COL21A1: variants seen among roughly 807,000 people sequenced by gnomAD.
The protein encoded by COL21A1 is collagen type XXI alpha 1 chain, also known as collagen alpha-1(XXI) chain.
COL21A1 carries 149 observed loss-of-function variants against 137.9 expected under a neutral mutation model. The ratio of observed to expected loss-of-function variants is 1.08; its 90% CI spans 0.95 to 1.24. COL21A1 has a LOEUF of 1.24. COL21A1 is among the 50% of genes most tolerant of loss of function. COL21A1 has a pLI of 0.00. For missense variants in COL21A1, 1,167 were observed against 1,158.4 expected, an observed-to-expected ratio of 1.01 and a Z score of -0.11; for synonymous variants, 456 against 391.5, an observed-to-expected ratio of 1.16 and a Z score of -1.95.
rs1260118159 is a variant in COL21A1, at chr6:56,206,477, C to A, written c.-38-23821G>T. 1.2e-4 allele frequency among the ~76,000 whole-genome samples: 18 copies of A among 151,668 alleles called. No homozygotes were observed. In the East Asian group the frequency reaches 3.5e-3, roughly 29 times the overall value. ...ATATATGCAACTAATACAGGAGCAC[C>A]CAGATTCATAAAGCAAGTTATTGGA... On this transcript the variant is annotated intron_variant, in intron 1 of 29. Transcript: ENST00000244728.
intron 1 of COL21A1, among the ~76,000 whole-genome samples, chr6:56,307,358 C>T (rs1482357114): frequency 6.6e-6 from 1 of 152,242 alleles, no homozygotes; most frequent in East Asian, 1.9e-4. Flanking sequence ...CCTTAAGCTG[C>T]AGTGGGCTCC....
intron 3 of COL21A1, among the ~76,000 whole-genome samples, chr6:56,173,413 AAAGGG>A (rs1246472975): frequency 1.3e-5 from 2 of 151,564 alleles, no homozygotes; most frequent in African/African-American, 4.8e-5. Flanking sequence ...GAAGGGAAAG[AAAGGG>A]AAGGGAAGGG....
chr6:56,369,427 A>G (rs1766173631), intron 1 of COL21A1, among the ~76,000 whole-genome samples: 1 of 151,336 alleles, frequency 6.6e-6, no homozygotes, highest in Admixed American at 6.6e-5. Flanking sequence ...AATTGTGTCC[A>G]TGAAAGAATC....
At chr6:56,301,073 A>G (rs1168575805) in intron 1 of COL21A1, among the ~76,000 whole-genome samples, 1 of 152,162 alleles carries the variant, frequency 6.6e-6, no homozygotes, top group Non-Finnish European at 1.5e-5. Context: ...GGCAAGGCAG[A>G]ATAGCTACAA....
chr6:56,150,754 A>G (rs1282817523), intron 10 of COL21A1, among the ~76,000 whole-genome samples: 1 of 149,834 alleles, frequency 6.7e-6, no homozygotes, highest in African/African-American at 2.5e-5. Flanking sequence ...ATGGAATCCT[A>G]GAATATCAGA....
rs558752694 is a variant in COL21A1, at chr6:56,116,253, A to G, written c.1758+7809T>C. On this transcript the variant is annotated intron_variant, in intron 16 of 29. Coordinates refer to ENST00000244728, the MANE Select transcript of COL21A1 (RefSeq NM_030820.4). Reference sequence around the variant, plus strand: ...ACTCTACAAGGTCAAGGATAAAGAAAGGATCCTAGAAGCAGCAAACGACAA... The same window carrying G: ...ACTCTACAAGGTCAAGGATAAAGAAGGGATCCTAGAAGCAGCAAACGACAA... Among the ~76,000 whole-genome samples, 11 of 152,212 alleles carry G rather than the reference A, an allele frequency of 7.2e-5. No individual in the cohort carries two copies. In the South Asian group the frequency reaches 2.3e-3, roughly 32 times the overall value.
intron 1 of COL21A1, among the ~76,000 whole-genome samples, chr6:56,356,878 A>C (rs1371072056): frequency 3.3e-5 from 5 of 152,208 alleles, no homozygotes. Context: ...CAATGAAAAA[A>C]ATGTTATGAA....
chr6:56,317,322 A>G (rs1294180617), intron 1 of COL21A1, among the ~76,000 whole-genome samples: 1 of 152,164 alleles, frequency 6.6e-6, no homozygotes, highest in Non-Finnish European at 1.5e-5. Context: ...GGCACCATGC[A>G]AAATATTTTA....
At chr6:56,354,792 A>C (rs2152347410) in intron 1 of COL21A1, among the ~76,000 whole-genome samples, 1 of 152,294 alleles carries the variant, frequency 6.6e-6, no homozygotes, top group East Asian at 1.9e-4. Context: ...CTGGGAGGTC[A>C]AGTCTGCAGT....
chr6:56,152,433 C>A (rs1219212484), intron 10 of COL21A1, among the ~76,000 whole-genome samples: 1 of 152,164 alleles, frequency 6.6e-6, no homozygotes, highest in Non-Finnish European at 1.5e-5. Context: ...AGGATGTGGA[C>A]ATCTTTGAGG....
At chr6:56,391,967 C>G (rs1167799254) in intron 1 of COL21A1, among the ~76,000 whole-genome samples, 1 of 152,228 alleles carries the variant, frequency 6.6e-6, no homozygotes, top group South Asian at 2.1e-4. Context: ...TCAAACTATT[C>G]CCCAAAATCA....
intron 16 of COL21A1, among the ~76,000 whole-genome samples, chr6:56,104,768 A>T (rs1218621827): frequency 6.6e-6 from 1 of 152,142 alleles, no homozygotes; most frequent in African/African-American, 2.4e-5. Context: ...ACAGTTCTTT[A>T]AAAAAAAGGA....
Position 56,202,844 on chromosome 6 carries a change from A to G in COL21A1, c.-38-20188T>C, listed in dbSNP as rs376959134. ...GCAACTTCTAAATATTCAAGCAACA[A>G]AAGAATATACATGTCTATATAATGA... On this transcript the variant is annotated intron_variant, in intron 1 of 29. Coordinates refer to ENST00000244728, the MANE Select transcript of COL21A1 (RefSeq NM_030820.4). Among the ~76,000 whole-genome samples the G allele has an allele frequency of 4.6e-5, 7 of 152,314 alleles. No homozygotes were observed. In the East Asian group the frequency reaches 9.6e-4, roughly 21 times the overall value.
intron 16 of COL21A1, among the ~76,000 whole-genome samples, chr6:56,110,236 T>C (rs971568440): frequency 1.4e-5 from 2 of 145,540 alleles, no homozygotes; most frequent in African/African-American, 5.0e-5. Flanking sequence ...TATAATCAAG[T>C]CAGTGAAGGC....
At chr6:56,308,772 A>T (rs1764530907) in intron 1 of COL21A1, among the ~76,000 whole-genome samples, 1 of 152,146 alleles carries the variant, frequency 6.6e-6, no homozygotes, top group Non-Finnish European at 1.5e-5. Flanking sequence ...TCAATTTCTC[A>T]GTTGTACTAG....
intron 17 of COL21A1, among the ~76,000 whole-genome samples, chr6:56,084,235 A>G (rs1768033714): frequency 6.7e-6 from 1 of 150,278 alleles, no homozygotes; most frequent in Non-Finnish European, 1.5e-5. Flanking sequence ...TATATAAAAA[A>G]CATTAATAAG....
intron 1 of COL21A1, among the ~76,000 whole-genome samples, chr6:56,391,010 C>A (rs1026707782): frequency 6.6e-6 from 1 of 152,082 alleles, no homozygotes; most frequent in Non-Finnish European, 1.5e-5. Context: ...CAGTACCTGC[C>A]AAATACACAT....
In COL21A1 at chr6:56,263,963, T is replaced by G. The variant is rs559929219; in HGVS notation, c.-38-81307A>C. Among the ~76,000 whole-genome samples, 5 of 126,516 alleles carry G rather than the reference T, an allele frequency of 4.0e-5. No homozygotes were observed. In the South Asian group the frequency reaches 1.1e-3, roughly 28 times the overall value. 83.0% of individuals were successfully genotyped at this position (126,516 alleles called of 152,430 possible). ...AGCTTCATAAAGAGAACCACTCTCATACACAAACACACACACACACACACA... is the reference window on the plus strand; with the variant it reads ...AGCTTCATAAAGAGAACCACTCTCAGACACAAACACACACACACACACACA... On this transcript the variant is annotated intron_variant, in intron 1 of 28. Coordinates refer to the COL21A1 transcript ENST00000370819.
chr6:56,350,255 G>T (rs927761808), intron 1 of COL21A1, among the ~76,000 whole-genome samples: 2 of 152,138 alleles, frequency 1.3e-5, no homozygotes, highest in Non-Finnish European at 2.9e-5. Context: ...ACTTAGCAGG[G>T]TCAAGACTGC....
Sources: allele counts gnomAD v4.1 joint callset (sites outside exome capture counted in the v4.1 genomes callset), GRCh38; gene constraint gnomAD v4.1.1; transcripts MANE v1.5; gene names NCBI Gene and HGNC (gene_info 2026-07-23, HGNC 2026-07-21).